Variants in MEIS2 observed in about 807,000 individuals in gnomAD.
MEIS2 encodes the protein homeobox protein Meis2.
A neutral mutation model predicts 58.6 loss-of-function variants in MEIS2; 9 were observed. The ratio of observed to expected loss-of-function variants is 0.15; its 90% CI spans 0.09 to 0.27. MEIS2 has a LOEUF of 0.27. MEIS2 is among the 10% of genes least tolerant of loss of function. MEIS2 has a pLI of 1.00. For synonymous variants in MEIS2, 221 were observed against 228.4 expected (o/e 0.97, Z 0.29); for missense variants, 427 against 635.0 (o/e 0.67, Z 3.52).
intron 8 of MEIS2, among the ~76,000 whole-genome samples, chr15:36,981,207 T>A (rs979090634): frequency 6.6e-6 from 1 of 152,180 alleles, no homozygotes; most frequent in Non-Finnish European, 1.5e-5. Flanking sequence ...TGTGATTTTA[T>A]CTTTTTATTA....
chr15:37,059,617 G>T (rs985359336), intron 7 of MEIS2, among the ~76,000 whole-genome samples: 7 of 151,026 alleles, frequency 4.6e-5, no homozygotes, highest in African/African-American at 1.7e-4. Flanking sequence ...TAAGTGTACT[G>T]CCTTCTTTTT....
At chr15:37,082,623 G>T (rs1004638807) in intron 7 of MEIS2, among the ~76,000 whole-genome samples, 1 of 152,098 alleles carries the variant, frequency 6.6e-6, no homozygotes, top group Admixed American at 6.6e-5. Context: ...TATTATATAG[G>T]TGCAAGTTGC....
At chr15:36,892,587 T>C in intron 11 of MEIS2, 128 bp from the exon 12 acceptor site, 1 of 814,558 alleles carries the variant, frequency 1.2e-6, no homozygotes, top group South Asian at 1.8e-5. Flanking sequence ...TAAATTTAGC[T>C]GCAGATTCTT....
chr15:36,907,050 A>G (rs2056775673), intron 9 of MEIS2, among the ~76,000 whole-genome samples: 1 of 152,140 alleles, frequency 6.6e-6, no homozygotes, highest in Non-Finnish European at 1.5e-5. Flanking sequence ...TCCTTACTTA[A>G]CGAAAGTAAG....
intron 7 of MEIS2, among the ~76,000 whole-genome samples, chr15:37,073,392 A>C (rs533433144): frequency 2.0e-5 from 3 of 152,042 alleles, no homozygotes; most frequent in African/African-American, 4.8e-5. Context: ...TACTCCCCCC[A>C]CCACCACATA....
chr15:36,999,291 A>G (rs1037956130), intron 8 of MEIS2, among the ~76,000 whole-genome samples: 10 of 152,210 alleles, frequency 6.6e-5, no homozygotes, highest in Non-Finnish European at 1.2e-4. Flanking sequence ...GCAAGGAACC[A>G]AACTGACATG....
chr15:37,048,428 C>G (rs1413423225), intron 7 of MEIS2, among the ~76,000 whole-genome samples: 1 of 151,784 alleles, frequency 6.6e-6, no homozygotes, highest in Non-Finnish European at 1.5e-5. Flanking sequence ...TTTAAGAGTC[C>G]TTACTTCATT....
chr15:36,970,523 G>T (rs1239783455), intron 8 of MEIS2, among the ~76,000 whole-genome samples: 1 of 152,140 alleles, frequency 6.6e-6, no homozygotes, highest in African/African-American at 2.4e-5. Flanking sequence ...ATCAGAGAGT[G>T]CCCACGATTT....
chr15:37,041,701 C>T (rs977054354), intron 7 of MEIS2, among the ~76,000 whole-genome samples: 1 of 152,176 alleles, frequency 6.6e-6, no homozygotes, highest in South Asian at 2.1e-4. Flanking sequence ...TGAGAGGATC[C>T]TCAGATGATT....
intron 7 of MEIS2, among the ~76,000 whole-genome samples, chr15:37,046,397 G>T (rs144195682): frequency 6.6e-6 from 1 of 152,108 alleles, no homozygotes; most frequent in African/African-American, 2.4e-5. Flanking sequence ...GCAAATGTGC[G>T]TCCAGAGACA....
intron 11 of MEIS2, among the ~76,000 whole-genome samples, chr15:36,893,541 C>T (rs2056001347): frequency 6.6e-6 from 1 of 152,156 alleles, no homozygotes; most frequent in Non-Finnish European, 1.5e-5. Flanking sequence ...ACCAAATATA[C>T]CATATTGTGT....
chr15:37,051,847 T>C (rs903658507), intron 7 of MEIS2, among the ~76,000 whole-genome samples: 1 of 152,178 alleles, frequency 6.6e-6, no homozygotes, highest in Non-Finnish European at 1.5e-5. Flanking sequence ...TGTTGATTTA[T>C]ATAATTTTCT....
At chr15:37,016,333 GT>G (rs11355643) in intron 8 of MEIS2, among the ~76,000 whole-genome samples, 136,675 of 148,546 alleles carry the variant, frequency 0.92, 63,858 homozygotes, top group East Asian at 1. Context: ...TATTTGCAGT[GT>G]TTTTTTTTTT....
chr15:37,029,219 T>C (rs1024875506), intron 8 of MEIS2, among the ~76,000 whole-genome samples: 1 of 152,216 alleles, frequency 6.6e-6, no homozygotes, highest in Non-Finnish European at 1.5e-5. Flanking sequence ...TCTCTGCTGG[T>C]ACTTTCAGCT....
chr15:36,929,059 T>C (rs2141323586), intron 9 of MEIS2, among the ~76,000 whole-genome samples: 1 of 152,362 alleles, frequency 6.6e-6, no homozygotes, highest in Non-Finnish European at 1.5e-5. Flanking sequence ...CTCTTCTGTC[T>C]TCCTCAATAG....
intron 8 of MEIS2, among the ~76,000 whole-genome samples, chr15:37,030,796 A>T (rs2061888528): frequency 6.6e-6 from 1 of 150,426 alleles, no homozygotes; most frequent in South Asian, 2.1e-4. Context: ...ATGCACCACC[A>T]TGCCCAGCCA....
chr15:36,901,500 T>G (rs2056469862), intron 9 of MEIS2, among the ~76,000 whole-genome samples: 1 of 152,138 alleles, frequency 6.6e-6, no homozygotes, highest in African/African-American at 2.4e-5. Context: ...GACCAGACAA[T>G]GGCTCCTTTC....
chr15:36,971,537 T>TAAA lies in MEIS2; in HGVS notation c.901-21140_901-21138dup, dbSNP rs71126247. Among the ~76,000 whole-genome samples the TAAA allele has an allele frequency of 4.8e-4, 32 of 67,110 alleles. 2 individuals carry two copies. Among genetic ancestry groups the TAAA allele is most frequent in the African/African-American group, 1.9e-3 (27 of 14,170 alleles). The allele number at this position is 67,110 out of a possible 152,430, so 44.0% of individuals were successfully genotyped here. A position where few individuals can be genotyped will look rare whatever the true frequency, so the allele number is the denominator to read the frequency against. ...GTATTACTTGTATGCCTTGTTACATTAAAAAAAAAAAAAAAAAAAAAAAAA... is the reference window on the plus strand; with the variant it reads ...GTATTACTTGTATGCCTTGTTACATTAAAAAAAAAAAAAAAAAAAAAAAAAAAA... On this transcript the variant is annotated intron_variant, in intron 8 of 11. Transcript: ENST00000561208.
chr15:36,992,993 A>G (rs1292684932), intron 8 of MEIS2, among the ~76,000 whole-genome samples: 1 of 152,190 alleles, frequency 6.6e-6, no homozygotes, highest in Non-Finnish European at 1.5e-5. Context: ...AGAACAAATA[A>G]TGAAAAGTTA....
Sources: gnomAD v4.1 joint callset for allele counts (sites outside exome capture counted in the v4.1 genomes callset) on GRCh38, gnomAD v4.1.1 for gene constraint, MANE v1.5 for transcripts, NCBI Gene and HGNC (gene_info 2026-07-23, HGNC 2026-07-21) for gene names.